Variants in WHAMM observed in about 807,000 individuals in gnomAD.
The protein encoded by WHAMM is WASP homolog-associated protein with actin, membranes and microtubules.
WHAMM carries 67 observed loss-of-function variants against 76.5 expected under a neutral mutation model. That is an observed-to-expected ratio of 0.88 (90% CI 0.72 to 1.07). WHAMM has a LOEUF of 1.07. Ranked by LOEUF, WHAMM falls within the 50% of genes least tolerant of loss-of-function variation. The pLI is 0.00. For synonymous variants in WHAMM, 419 were observed against 422.1 expected (o/e 0.99, Z 0.09); for missense variants, 1,021 against 1,051.1 (o/e 0.97, Z 0.40).
intron 2 of WHAMM, 35 bp from the exon 3 acceptor site, chr15:82,816,657 G>GCT: frequency 6.6e-7 from 1 of 1,525,216 alleles, no homozygotes; most frequent in Non-Finnish European, 8.8e-7. Flanking sequence ...ATAACTATTA[G>GCT]CTCTTACTAA....
At position 82,813,210 on chromosome 15, in the gene WHAMM, C is replaced by A; in HGVS notation, c.717C>A (p.Phe239Leu). 1.2e-6 allele frequency: 2 copies of A among 1,612,420 alleles called. No homozygotes were observed. Among genetic ancestry groups the A allele is most frequent in the Non-Finnish European group, 1.7e-6 (2 of 1,179,350 alleles). The change falls in exon 2 of 10, where the codon TTC (phenylalanine) becomes TTA (leucine). Residue 239 changes from phenylalanine to leucine, a missense_variant. By Grantham distance (22) the Phe-to-Leu change is conservative. Transcript: ENST00000286760. ...TGGTTACCGTGGCAACCATGTTCTT[C>A]CAGTACTTATTGCAGCCATTTAGGG... ...QELVTVATMF[F>L]QYLLQPFRAM...
At position 82,809,950 on chromosome 15, in the gene WHAMM, C is replaced by T; in HGVS notation, c.224C>T (p.Pro75Leu). Residue 75 changes from proline to leucine, a missense_variant, in exon 1 of 10, where the codon CCG becomes CTG. Coordinates refer to ENST00000286760, the MANE Select transcript of WHAMM (RefSeq NM_001080435.3). ...CCCAAGCCTGAGGCCGCCGTCTCCC[C>T]GTCCAGCTGGGCCGGCCTGCTCTCG... The part of the protein sequence containing the change: ...PEPKPEAAVS[P>L]SSWAGLLSAA... 1 of 1,399,676 alleles carries T rather than the reference C, an allele frequency of 7.1e-7. No individual in the cohort carries two copies. 86.7% of individuals were successfully genotyped at this position (1,399,676 alleles called of 1,614,324 possible). A position where few individuals can be genotyped will look rare whatever the true frequency, so the allele number is the denominator to read the frequency against.
In WHAMM at chr15:82,833,453, G is replaced by C. The variant is rs781706778; in HGVS notation, c.2347G>C (p.Ala783Pro). Reference sequence around the variant, plus strand: ...CAGTGACCTTGAGAGGAGCATCAAGGCTGCGCTCCAGAGAATCAAGAGGGT... The same window carrying C: ...CAGTGACCTTGAGAGGAGCATCAAGCCTGCGCTCCAGAGAATCAAGAGGGT... ...RTSDLERSIKAALQRIKRVSA... is the reference protein window; with the variant it reads ...RTSDLERSIKPALQRIKRVSA... Residue 783 changes from alanine (A) to proline (P), a missense_variant, in exon 10 of 10, where the codon GCT (alanine) becomes CCT (proline). By Grantham distance (27) the Ala-to-Pro change is conservative. Around this residue, in one of 3 missense-constraint regions of WHAMM, gnomAD observed 509 missense variants for 492.3 expected, o/e 1.03. Coordinates refer to ENST00000286760, the MANE Select transcript of WHAMM (RefSeq NM_001080435.3). 1.9e-5 allele frequency: 31 copies of C among 1,613,908 alleles called. 1 individual carries two copies. The highest frequency in any genetic ancestry group is 2.5e-5 in the Non-Finnish European group (30 of 1,179,908).
intron 8 of WHAMM, 87 bp from the exon 9 acceptor site, chr15:82,830,512 G>A (rs956571606): frequency 2.4e-5 from 37 of 1,528,898 alleles, no homozygotes; most frequent in African/African-American, 5.5e-5. Flanking sequence ...GCATAGAAAC[G>A]GATGTGTTTA....
At chr15:82,823,957 T>C (rs2050883521) in intron 6 of WHAMM, among the ~76,000 whole-genome samples, 1 of 152,072 alleles carries the variant, frequency 6.6e-6, no homozygotes, top group African/African-American at 2.4e-5. Context: ...AATTATTGAG[T>C]ACACAAAAGA....
At chr15:82,813,036 T>G in intron 1 of WHAMM, 67 bp from the exon 2 acceptor site, 1 of 1,220,274 alleles carries the variant, frequency 8.2e-7, no homozygotes, top group Admixed American at 3.6e-5. Flanking sequence ...TTTTGTTTAG[T>G]TTTGTTTGTT....
intron 1 of WHAMM, chr15:82,810,729 G>A: frequency 1.0e-6 from 1 of 985,482 alleles, no homozygotes; most frequent in Non-Finnish European, 1.2e-6. Flanking sequence ...TCCTGTGTAT[G>A]AGGGGACGTC....
chr15:82,822,824 G>A (rs186214066), intron 5 of WHAMM, among the ~76,000 whole-genome samples: 2,163 of 141,850 alleles, frequency 0.015, 43 homozygotes, highest in Middle Eastern at 0.041. Context: ...GTGTGTGTGT[G>A]TATATATATA....
Position 82,833,461 on chromosome 15 carries a change from C to G in WHAMM, c.2355C>G (p.Leu785=). ...SDLERSIKAA[L]QRIKRVSADS... ...TTGAGAGGAGCATCAAGGCTGCGCT[C>G]CAGAGAATCAAGAGGGTGTCTGCTG... Residue 785 remains leucine, a synonymous_variant, in exon 10 of 10, where the codon CTC becomes CTG. Coordinates refer to ENST00000286760, the MANE Select transcript of WHAMM (RefSeq NM_001080435.3). 6.2e-7 allele frequency: 1 copy of G among 1,613,966 alleles called. No homozygotes were observed. The highest frequency in any genetic ancestry group is 8.5e-7 in the Non-Finnish European group (1 of 1,179,886).
intron 6 of WHAMM, 28 bp from the exon 7 acceptor site, chr15:82,826,382 A>T: frequency 6.2e-7 from 1 of 1,612,488 alleles, no homozygotes; most frequent in Admixed American, 1.7e-5. Context: ...ATTAAAAACC[A>T]TGTAGGTGAT....
chr15:82,833,188 G>GTGTT (rs766564667), intron 9 of WHAMM, 41 bp from the exon 10 acceptor site: 1 of 1,578,340 alleles, frequency 6.3e-7, no homozygotes, highest in Non-Finnish European at 8.6e-7. Flanking sequence ...GGAAGGGAAA[G>GTGTT]TGTTTTATTG....
intron 1 of WHAMM, among the ~76,000 whole-genome samples, chr15:82,812,449 C>T (rs1297333388): frequency 6.6e-6 from 1 of 151,990 alleles, no homozygotes; most frequent in Non-Finnish European, 1.5e-5. Flanking sequence ...AGGATGGTCT[C>T]GATCTCCTGA....
At chr15:82,815,154 T>A (rs4779066) in intron 2 of WHAMM, among the ~76,000 whole-genome samples, 2,210 of 20,362 alleles carry the variant, frequency 0.11, 190 homozygotes, top group East Asian at 0.18. Context: ...TATATATATA[T>A]AGTACAATTC....
At chr15:82,829,188 C>T (rs960732488) in intron 8 of WHAMM, among the ~76,000 whole-genome samples, 9 of 152,298 alleles carry the variant, frequency 5.9e-5, no homozygotes, top group African/African-American at 9.6e-5. Flanking sequence ...AGGCAGAACT[C>T]GGCCAGGCGC....
intron 6 of WHAMM, among the ~76,000 whole-genome samples, chr15:82,825,512 T>C (rs1274459917): frequency 2.0e-5 from 3 of 152,192 alleles, no homozygotes; most frequent in East Asian, 1.9e-4. Context: ...ACTCAGTTAA[T>C]AGAATGGTAG....
At chr15:82,828,805 G>GTA (rs1380320741) in intron 8 of WHAMM, among the ~76,000 whole-genome samples, 1 of 152,218 alleles carries the variant, frequency 6.6e-6, no homozygotes, top group Non-Finnish European at 1.5e-5. Flanking sequence ...CCATATGGAG[G>GTA]TATGCACTTG....
At chr15:82,813,848 C>A (rs1429439646) in intron 2 of WHAMM, among the ~76,000 whole-genome samples, 3 of 150,920 alleles carry the variant, frequency 2.0e-5, no homozygotes, top group Admixed American at 6.6e-5. Context: ...TTAGTAGAGA[C>A]GGGGTTTCAC....
At position 82,830,751 on chromosome 15, in the gene WHAMM, A is replaced by T; in HGVS notation, c.1794A>T (p.Leu598=). The change falls in exon 9 of 10, where the codon CTA becomes CTT. Residue 598 remains leucine, a synonymous_variant. Coordinates refer to ENST00000286760, the MANE Select transcript of WHAMM (RefSeq NM_001080435.3). ...CTAGGAAAACTAGAGGTGTTCCCCTATCGGAAGCTGGTAATGTGAAAAGCC... is the reference window on the plus strand; with the variant it reads ...CTAGGAAAACTAGAGGTGTTCCCCTTTCGGAAGCTGGTAATGTGAAAAGCC... The part of the protein sequence containing the change: ...PSSRKTRGVP[L]SEAGNVKSPK... The T allele has an allele frequency of 6.2e-7, 1 of 1,613,952 alleles. No homozygotes were observed. Among genetic ancestry groups the T allele is most frequent in the Non-Finnish European group, 8.5e-7 (1 of 1,179,866 alleles).
Position 82,818,044 on chromosome 15 carries a change from G to C in WHAMM, c.1059G>C (p.Ala353=), listed in dbSNP as rs754629534. The change falls in exon 4 of 10, where the codon GCG becomes GCC. Residue 353 remains alanine (A), a synonymous_variant. Coordinates refer to ENST00000286760, the MANE Select transcript of WHAMM (RefSeq NM_001080435.3). ...GAGAGACTCTGCAACTCATGAGAGC[G>C]AAAGAGTTGTGTTTAAATCACAAAA... is the stretch of plus-strand genomic sequence containing the variant. ...LARETLQLMR[A]KELCLNHKRA... is the part of the protein sequence containing the mutation. The C allele has an allele frequency of 1.3e-6, 2 of 1,551,856 alleles. No individual in the cohort carries two copies. Among genetic ancestry groups the C allele is most frequent in the Middle Eastern group, 2.3e-4 (1 of 4,354 alleles).
Sources: gnomAD v4.1 joint callset for allele counts (sites outside exome capture counted in the v4.1 genomes callset) on GRCh38, gnomAD v4.1.1 for gene constraint, gnomAD v4.1.1 regional missense constraint, MANE v1.5 for transcripts, NCBI Gene and HGNC (gene_info 2026-07-23, HGNC 2026-07-21) for gene names.